The following KIAA1958 variants were observed in gnomAD, a reference collection of about 807,000 sequenced individuals.
KIAA1958 encodes the protein KIAA1958, also known as uncharacterized protein KIAA1958.
Under a neutral mutation model 47.2 loss-of-function variants are expected in KIAA1958, and 14 were observed. The ratio of observed to expected loss-of-function variants is 0.30; its 90% CI spans 0.20 to 0.46. The LOEUF (loss-of-function observed/expected upper bound fraction) is 0.46. KIAA1958 is among the 20% of genes least tolerant of loss of function. The pLI is 1.00. For synonymous variants in KIAA1958, 354 were observed against 353.3 expected (o/e 1.00, Z -0.02); for missense variants, 803 against 909.2 (o/e 0.88, Z 1.50).
At chr9:112,532,465 C>A (rs1274694156) in intron 1 of KIAA1958, among the ~76,000 whole-genome samples, 2 of 152,096 alleles carry the variant, frequency 1.3e-5, no homozygotes, top group East Asian at 3.8e-4. Context: ...CAGTGCCCTG[C>A]CTCTTTCCTT....
chr9:112,655,819 T>C (rs867012678), intron 3 of KIAA1958, among the ~76,000 whole-genome samples: 2 of 152,298 alleles, frequency 1.3e-5, no homozygotes, highest in South Asian at 4.1e-4. Context: ...ATAGCTGGGT[T>C]GTTGACAAAC....
intron 1 of KIAA1958, among the ~76,000 whole-genome samples, chr9:112,545,121 T>A (rs1330341285): frequency 2.0e-5 from 3 of 152,176 alleles, no homozygotes; most frequent in African/African-American, 7.2e-5. Context: ...TCCAGAATCA[T>A]CATGACCTTT....
intron 3 of KIAA1958, among the ~76,000 whole-genome samples, chr9:112,654,071 T>C (rs1489575404): frequency 6.6e-6 from 1 of 152,144 alleles, no homozygotes; most frequent in Non-Finnish European, 1.5e-5. Flanking sequence ...CAGCAAAGTC[T>C]CATTGCCAAA....
At chr9:112,551,590 A>C (rs1016170062) in intron 1 of KIAA1958, among the ~76,000 whole-genome samples, 1 of 152,260 alleles carries the variant, frequency 6.6e-6, no homozygotes, top group African/African-American at 2.4e-5. Context: ...ATGTAAAAGA[A>C]GTGACTTGAG....
chr9:112,488,359 A>G (rs1833906588), intron 1 of KIAA1958, among the ~76,000 whole-genome samples: 1 of 152,200 alleles, frequency 6.6e-6, no homozygotes, highest in Admixed American at 6.5e-5. Context: ...TTAGCTAGCT[A>G]AGTTTCTTCA....
At chr9:112,590,861 A>G (rs190597810) in intron 2 of KIAA1958, among the ~76,000 whole-genome samples, 2 of 152,294 alleles carry the variant, frequency 1.3e-5, no homozygotes, top group East Asian at 1.9e-4. Context: ...AAGGAAGTTG[A>G]TATGTCTAAT....
chr9:112,491,463 C>T (rs911355910), intron 1 of KIAA1958, among the ~76,000 whole-genome samples: 1 of 152,064 alleles, frequency 6.6e-6, no homozygotes, highest in Admixed American at 6.5e-5. Flanking sequence ...TCACCTTACT[C>T]TCCTCTGGAA....
intron 1 of KIAA1958, among the ~76,000 whole-genome samples, chr9:112,507,466 A>G (rs567125766): frequency 6.6e-6 from 1 of 152,270 alleles, no homozygotes; most frequent in Admixed American, 6.5e-5. Context: ...CTTTTGCCTT[A>G]GTCTCCTGAG....
intron 1 of KIAA1958, among the ~76,000 whole-genome samples, chr9:112,522,695 A>T (rs1834570148): frequency 6.6e-6 from 1 of 152,230 alleles, no homozygotes; most frequent in Non-Finnish European, 1.5e-5. Context: ...ATATCTACTT[A>T]TTTATGGCTC....
intron 2 of KIAA1958, among the ~76,000 whole-genome samples, chr9:112,640,581 G>A (rs959543125): frequency 3.3e-5 from 5 of 152,046 alleles, no homozygotes; most frequent in Admixed American, 6.5e-5. Flanking sequence ...CACTGAGATT[G>A]CTGTAGACTT....
At chr9:112,646,641 G>A (rs1836979668) in intron 3 of KIAA1958, among the ~76,000 whole-genome samples, 1 of 152,156 alleles carries the variant, frequency 6.6e-6, no homozygotes, top group Non-Finnish European at 1.5e-5. Flanking sequence ...GGAGGCTAAG[G>A]CAGGAGGATT....
chr9:112,493,098 C>G (rs1833998298), intron 1 of KIAA1958, among the ~76,000 whole-genome samples: 1 of 151,834 alleles, frequency 6.6e-6, no homozygotes, highest in Non-Finnish European at 1.5e-5. Context: ...ATTATTGTGG[C>G]CAAATTCAGT....
At chr9:112,490,406 T>C (rs1003010542) in intron 1 of KIAA1958, among the ~76,000 whole-genome samples, 2 of 152,250 alleles carry the variant, frequency 1.3e-5, no homozygotes, top group East Asian at 1.9e-4. Flanking sequence ...GTGATACTTC[T>C]TGACTTTGCT....
chr9:112,622,913 C>T (rs1055890252), intron 2 of KIAA1958, among the ~76,000 whole-genome samples: 1 of 152,294 alleles, frequency 6.6e-6, no homozygotes, highest in Non-Finnish European at 1.5e-5. Context: ...GAAATAGTCC[C>T]TGCTCTCAAA....
intron 2 of KIAA1958, among the ~76,000 whole-genome samples, chr9:112,591,677 G>T (rs1419003393): frequency 6.6e-6 from 1 of 151,878 alleles, no homozygotes; most frequent in Non-Finnish European, 1.5e-5. Flanking sequence ...AGGATCGCTT[G>T]AGCCCAGGAG....
intron 1 of KIAA1958, among the ~76,000 whole-genome samples, chr9:112,528,586 G>C (rs780757703): frequency 3.9e-5 from 6 of 152,148 alleles, no homozygotes; most frequent in African/African-American, 1.4e-4. Context: ...GCAGTGGCAT[G>C]ATCTTGGCTC....
intron 2 of KIAA1958, among the ~76,000 whole-genome samples, chr9:112,623,904 C>T (rs138574214): frequency 7.0e-4 from 106 of 152,162 alleles, no homozygotes; most frequent in African/African-American, 2.2e-3. Context: ...TTTTCTGGTT[C>T]GACTATCTGC....
chr9:112,624,429 C>G (rs1474014191), intron 2 of KIAA1958, among the ~76,000 whole-genome samples: 1 of 152,138 alleles, frequency 6.6e-6, no homozygotes, highest in Non-Finnish European at 1.5e-5. Context: ...AGTGATGAAG[C>G]TAGGATAATT....
At chr9:112,490,029 C>G (rs1833938052) in intron 1 of KIAA1958, among the ~76,000 whole-genome samples, 1 of 152,188 alleles carries the variant, frequency 6.6e-6, no homozygotes, top group South Asian at 2.1e-4. Context: ...GGAAGCAGGT[C>G]CGGCTGTGAG....
Sources: gnomAD v4.1 joint callset for allele counts (sites outside exome capture counted in the v4.1 genomes callset) on GRCh38, gnomAD v4.1.1 for gene constraint, MANE v1.5 for transcripts, NCBI Gene and HGNC (gene_info 2026-07-23, HGNC 2026-07-21) for gene names.